Variants in DENND2C observed in about 807,000 individuals in gnomAD.
The protein encoded by DENND2C is DENN domain-containing protein 2C.
In DENND2C, 72 loss-of-function variants were observed where a neutral mutation model predicts 112.4. The observed-to-expected ratio is 0.64, with a 90% CI of 0.53 to 0.78. The LOEUF is 0.78. Among genes scored for constraint, DENND2C ranks in the 30% least tolerant of loss-of-function variants. The probability of loss-of-function intolerance (pLI) is 0.00; values close to 1 mark genes in which losing one functional copy is unlikely to be tolerated. For synonymous variants in DENND2C, 329 were observed against 381.6 expected, an observed-to-expected ratio of 0.86 and a Z score of 1.61; for missense variants, 992 against 1,113.8, an observed-to-expected ratio of 0.89 and a Z score of 1.56.
At chr1:114,587,528 A>C in intron 19 of DENND2C, 55 bp from the exon 20 acceptor site, 1 of 1,591,250 alleles carries the variant, frequency 6.3e-7, no homozygotes, top group Non-Finnish European at 8.6e-7. Context: ...ACTGGGAATT[A>C]CATAAAATTC....
chr1:114,613,302 A>G (rs1222302466), intron 8 of DENND2C, among the ~76,000 whole-genome samples: 1 of 152,236 alleles, frequency 6.6e-6, no homozygotes. Flanking sequence ...ATTTGTGTAG[A>G]AAATGTATTT....
chr1:114,587,438 T>C lies in DENND2C; in HGVS notation c.2704A>G (p.Thr902Ala). The change falls in exon 20 of 21, where the codon ACA (threonine) becomes GCA (alanine). Residue 902 changes from threonine (T) to alanine (A), a missense_variant. Physicochemically the swap from Thr to Ala is moderately conservative, Grantham distance 58. Coordinates refer to ENST00000393274, the MANE Select transcript of DENND2C (RefSeq NM_001256404.2). ...FEIRAIQYLETIPESEPSGMN... is the reference protein window; with the variant it reads ...FEIRAIQYLEAIPESEPSGMN... Reference sequence around the variant, plus strand: ...CCACTGGGCTCCGACTCAGGAATTGTTTCCAAATACTGGATGGCCCGGATC... The same window carrying C: ...CCACTGGGCTCCGACTCAGGAATTGCTTCCAAATACTGGATGGCCCGGATC... The C allele has an allele frequency of 6.2e-7, 1 of 1,614,220 alleles. No individual in the cohort carries two copies. The highest frequency in any genetic ancestry group is 1.7e-5 in the Admixed American group (1 of 60,024).
At position 114,622,050 on chromosome 1, in the gene DENND2C, G is replaced by C. The variant is rs1056456411; in HGVS notation, c.1072C>G (p.Gln358Glu). 23 of 1,540,680 alleles carry C rather than the reference G, an allele frequency of 1.5e-5. No individual in the cohort carries two copies. The highest frequency in any genetic ancestry group is 1.0e-4 in the Admixed American group (5 of 48,226). The part of the protein sequence containing the change: ...FKAPKLPPKP[Q>E]FLHRKTMEVK... ...TCCATAGTCTTCCGGTGAAGGAACTGAGGTTTTGGAGGGAGCTAAAACAGG... is the reference window on the plus strand; with the variant it reads ...TCCATAGTCTTCCGGTGAAGGAACTCAGGTTTTGGAGGGAGCTAAAACAGG... Residue 358 changes from glutamine to glutamate, a missense_variant, in exon 7 of 21, where the codon CAG becomes GAG. This residue lies in a region of DENND2C where 470 missense variants were observed against 472.7 expected (regional missense o/e 0.99). Coordinates refer to ENST00000393274, the MANE Select transcript of DENND2C (RefSeq NM_001256404.2).
chr1:114,661,053 G>T (rs1657474986), intron 1 of DENND2C, among the ~76,000 whole-genome samples: 1 of 148,086 alleles, frequency 6.8e-6, no homozygotes, highest in South Asian at 2.1e-4. Context: ...GGAGGTTGCA[G>T]TGAGCCGGTA....
At chr1:114,594,633 G>A (rs1655290743) in intron 17 of DENND2C, 55 bp from the exon 18 acceptor site, 2 of 1,411,632 alleles carry the variant, frequency 1.4e-6, no homozygotes, top group Non-Finnish European at 2.0e-6. Context: ...GAGGGATTAA[G>A]TCTCAAATAT....
Position 114,611,088 on chromosome 1 carries a change from C to T in DENND2C, c.1354G>A (p.Glu452Lys), listed in dbSNP as rs1570770455. 2.5e-6 allele frequency: 4 copies of T among 1,614,136 alleles called. No homozygotes were observed. The highest frequency in any genetic ancestry group is 2.2e-5 in the South Asian group (2 of 91,078). Residue 452 changes from glutamate (E) to lysine (K), a missense_variant, in exon 9 of 21, where the codon GAG becomes AAG. Glu to Lys is a moderately conservative substitution (Grantham distance 56, BLOSUM62 1). Around this residue, in one of 3 missense-constraint regions of DENND2C, gnomAD observed 516 missense variants for 623.6 expected, o/e 0.83. Coordinates refer to ENST00000393274, the MANE Select transcript of DENND2C (RefSeq NM_001256404.2). ...GETSGNESDA[E>K]YLPKNRHKRL... ...ACTCACTCACTCTTTGGCAGATACT[C>T]GGCATCACTTTCGTTCCCACTGGTT...
chr1:114,608,543 A>T lies in DENND2C; in HGVS notation c.1557+143T>A, dbSNP rs544720731. On this transcript the variant is annotated intron_variant, in intron 10 of 20. Transcript: ENST00000393274. The stretch of plus-strand genomic sequence containing the variant: ...GGTTGCAGCTCATACCTAACATAAG[A>T]TGTTTTCAAAGCCACCAGATCCTAC... The T allele has an allele frequency of 9.0e-4, 769 of 850,000 alleles. 1 individual carries two copies. The highest frequency in any genetic ancestry group is 1.2e-3 in the Non-Finnish European group (663 of 562,340). The allele number at this position is 850,000 out of a possible 1,614,324, so 52.7% of individuals were successfully genotyped here. A position where few individuals can be genotyped will look rare whatever the true frequency, so the allele number is the denominator to read the frequency against.
intron 18 of DENND2C, among the ~76,000 whole-genome samples, chr1:114,589,882 T>C (rs1462969399): frequency 6.6e-6 from 1 of 152,170 alleles, no homozygotes; most frequent in African/African-American, 2.4e-5. Flanking sequence ...GTCTTTGAAG[T>C]TTCCTATGCG....
intron 4 of DENND2C, among the ~76,000 whole-genome samples, 191 bp from the exon 5 acceptor site, chr1:114,623,834 C>A (rs1200956701): frequency 6.6e-6 from 1 of 152,032 alleles, no homozygotes; most frequent in Non-Finnish European, 1.5e-5. Context: ...CTCCCAGGTT[C>A]AAGCGATTCT....
chr1:114,614,857 T>C (rs74352035), intron 8 of DENND2C, among the ~76,000 whole-genome samples: 1 of 151,834 alleles, frequency 6.6e-6, no homozygotes, highest in South Asian at 2.1e-4. Flanking sequence ...CTAAAAAAAA[T>C]ACAAAAATTA....
Position 114,601,489 on chromosome 1 carries a change from C to T in DENND2C, c.1815+19G>A. On this transcript the variant is annotated intron_variant, in intron 13 of 20. Transcript: ENST00000393274. ...CTCAAAAAGGACACCATTTTTCATA[C>T]AGCTCATTCTCCACTCACCTTTGAA... 2 of 1,603,486 alleles carry T rather than the reference C, an allele frequency of 1.2e-6. No homozygotes were observed. Among genetic ancestry groups the T allele is most frequent in the Non-Finnish European group, 1.7e-6 (2 of 1,174,922 alleles).
At chr1:114,586,201 T>C (rs1469746339) in intron 20 of DENND2C, among the ~76,000 whole-genome samples, 1 of 152,198 alleles carries the variant, frequency 6.6e-6, no homozygotes, top group Non-Finnish European at 1.5e-5. Flanking sequence ...TGAAAAATCA[T>C]AAATGTGTTT....
intron 18 of DENND2C, among the ~76,000 whole-genome samples, chr1:114,588,719 TAA>T (rs1261681749): frequency 6.6e-6 from 1 of 152,146 alleles, no homozygotes; most frequent in Non-Finnish European, 1.5e-5. Context: ...CCCCACCAAA[TAA>T]GTTTCCCTCT....
intron 2 of DENND2C, among the ~76,000 whole-genome samples, chr1:114,649,096 A>C (rs1657082130): frequency 6.6e-6 from 1 of 151,890 alleles, no homozygotes; most frequent in African/African-American, 2.4e-5. Flanking sequence ...CTGGGATTAC[A>C]GGCGCCTGCC....
At chr1:114,658,392 G>A (rs1657389848) in intron 1 of DENND2C, among the ~76,000 whole-genome samples, 1 of 152,108 alleles carries the variant, frequency 6.6e-6, no homozygotes, top group African/African-American at 2.4e-5. Flanking sequence ...AAAGAAAGAT[G>A]CAAACCAGTG....
intron 7 of DENND2C, among the ~76,000 whole-genome samples, chr1:114,620,035 A>C (rs574722233): frequency 6.6e-6 from 1 of 152,298 alleles, no homozygotes; most frequent in African/African-American, 2.4e-5. Context: ...ACAGCAGGGA[A>C]GGAAAGGAAG....
At chr1:114,652,690 A>C (rs1657204623) in intron 2 of DENND2C, among the ~76,000 whole-genome samples, 1 of 136,986 alleles carries the variant, frequency 7.3e-6, no homozygotes, top group African/African-American at 2.8e-5. Context: ...TTTTTTTTAA[A>C]GAGGCAGAGT....
intron 2 of DENND2C, among the ~76,000 whole-genome samples, chr1:114,651,694 G>A (rs755605080): frequency 2.6e-5 from 4 of 151,804 alleles, no homozygotes; most frequent in Admixed American, 1.3e-4. Flanking sequence ...CTGAGATCAC[G>A]CCACTGCACT....
At chr1:114,627,849 G>A (rs1190465667) in intron 3 of DENND2C, among the ~76,000 whole-genome samples, 1 of 152,060 alleles carries the variant, frequency 6.6e-6, no homozygotes, top group East Asian at 1.9e-4. Context: ...GACAAGACAG[G>A]ACTTTTTTCT....
Sources: allele counts gnomAD v4.1 joint callset (sites outside exome capture counted in the v4.1 genomes callset), GRCh38; gene constraint gnomAD v4.1.1; regional missense constraint gnomAD v4.1.1; transcripts MANE v1.5; gene names NCBI Gene and HGNC (gene_info 2026-07-23, HGNC 2026-07-21).